GPC6: variants seen among roughly 807,000 people sequenced by gnomAD.
The protein encoded by GPC6 is glypican-6.
In GPC6, 14 loss-of-function variants were observed where a neutral mutation model predicts 55.2. The observed-to-expected ratio is 0.25, with a 90% CI of 0.17 to 0.40. The LOEUF is 0.40. Ranked by LOEUF, GPC6 falls within the 10% of genes least tolerant of loss-of-function variation. The probability of loss-of-function intolerance (pLI) is 1.00; values close to 1 mark genes in which losing one functional copy is unlikely to be tolerated. For synonymous variants in GPC6, 278 were observed against 259.6 expected (o/e 1.07, Z -0.68); for missense variants, 641 against 708.5 (o/e 0.90, Z 1.08).
chr13:93,288,132 G>C (rs904700483), intron 1 of GPC6, among the ~76,000 whole-genome samples: 1 of 152,036 alleles, frequency 6.6e-6, no homozygotes, highest in Non-Finnish European at 1.5e-5. Context: ...AAACTACAAA[G>C]TAATACTTAT....
In GPC6 at chr13:93,789,482, ACTCTCT is replaced by A. The variant is rs766627327; in HGVS notation, c.320-40649_320-40644del. 5.1e-3 allele frequency among the ~76,000 whole-genome samples: 303 copies of A among 59,582 alleles called. 6 individuals are homozygous for A. Among genetic ancestry groups the A allele is most frequent in the East Asian group, 0.041 (80 of 1,934 alleles). The allele number at this position is 59,582 out of a possible 152,430, so 39.1% of individuals were successfully genotyped here. On this transcript the variant is annotated intron_variant, in intron 2 of 8. Coordinates refer to ENST00000377047, the MANE Select transcript of GPC6 (RefSeq NM_005708.5). ...GTAAAGGACTTAAATATGTGAGTGA[ACTCTCT>A]CTCTCTCTCTCTCTCTCTCTCTATA...
At chr13:94,168,970 G>T (rs1019647310) in intron 4 of GPC6, among the ~76,000 whole-genome samples, 1 of 152,126 alleles carries the variant, frequency 6.6e-6, no homozygotes, top group Non-Finnish European at 1.5e-5. Context: ...TGGGCGTGGG[G>T]ATAGAAGTTG....
chr13:93,280,594 G>A (rs1877917579), intron 1 of GPC6, among the ~76,000 whole-genome samples: 1 of 152,250 alleles, frequency 6.6e-6, no homozygotes, highest in Non-Finnish European at 1.5e-5. Context: ...TTCACATTGT[G>A]CATGCCTAAC....
chr13:94,021,681 C>A (rs1882700918), intron 3 of GPC6, among the ~76,000 whole-genome samples: 1 of 151,596 alleles, frequency 6.6e-6, no homozygotes, highest in African/African-American at 2.4e-5. Context: ...ATTTTATTTA[C>A]TTTTTGTTTA....
chr13:94,271,581 A>G (rs1043926105), intron 4 of GPC6, among the ~76,000 whole-genome samples: 9 of 152,018 alleles, frequency 5.9e-5, no homozygotes, highest in African/African-American at 1.9e-4. Flanking sequence ...AGTTTCCCCA[A>G]CCATTAAAGA....
At position 93,314,754 on chromosome 13, in the gene GPC6, T is replaced by TGTGTGTGCGCGCGC. The variant is rs1555290021; in HGVS notation, c.160+87141_160+87142insTGTGCGCGCGCGTG. Among the ~76,000 whole-genome samples, 35 of 149,394 alleles carry TGTGTGTGCGCGCGC rather than the reference T, an allele frequency of 2.3e-4. 1 individual carries two copies. The highest frequency in any genetic ancestry group is 7.0e-4 in the African/African-American group (28 of 40,168). On this transcript the variant is annotated intron_variant, in intron 1 of 8. Transcript: ENST00000377047. ...GTGTGTGTGTGTGTGTGTGTGTGTGTGTGCACGCATGTGCTGAGAAATGAG... is the reference window on the plus strand; with the variant it reads ...GTGTGTGTGTGTGTGTGTGTGTGTGTGTGTGTGCGCGCGCGTGCACGCATGTGCTGAGAAATGAG...
At chr13:93,879,811 C>T (rs2140308737) in intron 3 of GPC6, among the ~76,000 whole-genome samples, 1 of 152,178 alleles carries the variant, frequency 6.6e-6, no homozygotes, top group African/African-American at 2.4e-5. Flanking sequence ...TCGCATCCTA[C>T]TCATCTGAAA....
chr13:93,890,019 A>G (rs1875573456), intron 3 of GPC6, among the ~76,000 whole-genome samples: 1 of 152,124 alleles, frequency 6.6e-6, no homozygotes, highest in Non-Finnish European at 1.5e-5. Context: ...TTTTGCAGAG[A>G]AACCAAAGCA....
At chr13:94,111,326 A>G (rs1886238876) in intron 4 of GPC6, among the ~76,000 whole-genome samples, 1 of 151,818 alleles carries the variant, frequency 6.6e-6, no homozygotes, top group African/African-American at 2.4e-5. Flanking sequence ...TAGGTAAGGG[A>G]GGGAGAGCAT....
At chr13:94,017,906 G>C (rs1054986107) in intron 3 of GPC6, among the ~76,000 whole-genome samples, 20 of 151,966 alleles carry the variant, frequency 1.3e-4, no homozygotes, top group Non-Finnish European at 2.9e-4. Context: ...TTGAACTCCT[G>C]ACCTTGTGAT....
chr13:93,796,115 T>C (rs1886190267), intron 2 of GPC6, among the ~76,000 whole-genome samples: 1 of 151,838 alleles, frequency 6.6e-6, no homozygotes, highest in Non-Finnish European at 1.5e-5. Context: ...AGGATCACTT[T>C]CCTCTGGGAG....
chr13:93,893,949 C>A (rs1431167760), intron 3 of GPC6, among the ~76,000 whole-genome samples: 2 of 152,172 alleles, frequency 1.3e-5, no homozygotes, highest in East Asian at 3.8e-4. Flanking sequence ...ATTAAGAACA[C>A]CGGTCCACAT....
intron 2 of GPC6, among the ~76,000 whole-genome samples, chr13:93,751,629 G>A (rs1051583849): frequency 1.2e-4 from 18 of 151,972 alleles, no homozygotes; most frequent in South Asian, 6.2e-4. Context: ...TCAAGGGATC[G>A]TCCCTCCTCT....
At chr13:94,331,608 G>T (rs922320742) in intron 6 of GPC6, among the ~76,000 whole-genome samples, 1 of 152,170 alleles carries the variant, frequency 6.6e-6, no homozygotes, top group Non-Finnish European at 1.5e-5. Flanking sequence ...AGCAGCATTT[G>T]TCTGTCAAGT....
In GPC6 at chr13:93,713,930, T is replaced by G. The variant is rs142721438; in HGVS notation, c.320-116224T>G. On this transcript the variant is annotated intron_variant, in intron 2 of 8. Transcript: ENST00000377047. ...CATACCTTTCACCATATACAAAAAT[T>G]AACTCAAGATGGATTAAATATTTAA... is the stretch of plus-strand genomic sequence containing the variant. Among the ~76,000 whole-genome samples the G allele has an allele frequency of 2.8e-3, 428 of 151,842 alleles. 1 individual carries two copies. The highest frequency in any genetic ancestry group is 9.7e-3 in the African/African-American group (404 of 41,508).
At chr13:93,980,840 T>C (rs1054300665) in intron 3 of GPC6, among the ~76,000 whole-genome samples, 4 of 152,130 alleles carry the variant, frequency 2.6e-5, no homozygotes, top group African/African-American at 9.7e-5. Flanking sequence ...AAACCATATC[T>C]GTGCTGGCCC....
chr13:94,148,652 C>T (rs1245639901), intron 4 of GPC6, among the ~76,000 whole-genome samples: 3 of 152,102 alleles, frequency 2.0e-5, no homozygotes, highest in Non-Finnish European at 4.4e-5. Context: ...GTTTAGGCAT[C>T]TATATCCAGT....
At chr13:93,619,045 G>T (rs530818817) in intron 2 of GPC6, among the ~76,000 whole-genome samples, 1 of 152,156 alleles carries the variant, frequency 6.6e-6, no homozygotes, top group South Asian at 2.1e-4. Flanking sequence ...AAATATTTGT[G>T]TATCTAAAGA....
chr13:93,897,022 ATTATTT>A (rs1436540137), intron 3 of GPC6, among the ~76,000 whole-genome samples: 52 of 148,654 alleles, frequency 3.5e-4, no homozygotes, highest in African/African-American at 1.2e-3. Context: ...ATTGTAAAGG[ATTATTT>A]TCTCAAGTAT....
Sources: allele counts gnomAD v4.1 joint callset (sites outside exome capture counted in the v4.1 genomes callset), GRCh38; gene constraint gnomAD v4.1.1; transcripts MANE v1.5; gene names NCBI Gene and HGNC (gene_info 2026-07-23, HGNC 2026-07-21).